The following FOXP2 variants were observed in gnomAD, a reference collection of about 807,000 sequenced individuals.
The protein encoded by FOXP2 is forkhead box P2, also known as forkhead box protein P2.
Under a neutral mutation model 115.8 loss-of-function variants are expected in FOXP2, and 12 were observed. The ratio of observed to expected loss-of-function variants is 0.10; its 90% CI spans 0.07 to 0.17. The LOEUF (loss-of-function observed/expected upper bound fraction) is 0.17. Among genes scored for constraint, FOXP2 ranks in the 10% least tolerant of loss-of-function variants. FOXP2 has a pLI of 1.00. For synonymous variants in FOXP2, 328 were observed against 297.7 expected (o/e 1.10, Z -1.05); for missense variants, 629 against 843.5 (o/e 0.75, Z 3.15).
At chr7:114,614,329 A>T (rs960769619) in intron 3 of FOXP2, among the ~76,000 whole-genome samples, 11 of 152,258 alleles carry the variant, frequency 7.2e-5, no homozygotes, top group African/African-American at 2.6e-4. Context: ...TGTAAAAGAG[A>T]TATTTTCTAC....
intron 1 of FOXP2, among the ~76,000 whole-genome samples, chr7:114,224,695 C>CT (rs1048080464): frequency 4.6e-5 from 7 of 150,844 alleles, no homozygotes; most frequent in African/African-American, 7.3e-5. Context: ...TCATTCCTGC[C>CT]TTTTTTTTTA....
At chr7:114,127,490 G>A (rs2129144677) in intron 1 of FOXP2, among the ~76,000 whole-genome samples, 1 of 152,238 alleles carries the variant, frequency 6.6e-6, no homozygotes, top group East Asian at 1.9e-4. Flanking sequence ...AAAAGACTTA[G>A]AATTCAGAAA....
At chr7:114,438,911 G>T in intron 2 of FOXP2, among the ~76,000 whole-genome samples, 1 of 152,080 alleles carries the variant, frequency 6.6e-6, no homozygotes, top group East Asian at 1.9e-4. Flanking sequence ...AATATAGCTT[G>T]ATTTTAAAAC....
At chr7:114,468,542 T>C (rs1247937629) in intron 2 of FOXP2, among the ~76,000 whole-genome samples, 1 of 152,112 alleles carries the variant, frequency 6.6e-6, no homozygotes, top group East Asian at 1.9e-4. Flanking sequence ...ATCCTGCTTG[T>C]AGTTCCCTAC....
rs919774129 is a variant in FOXP2 at position 114,494,424 on chromosome 7, A to G, written c.169-40193A>G. ...GCCTCCCAAATCCTAGGCTCAAGCA[A>G]TCTTCCTACTTCAGCTTCCCAAGTA... On this transcript the variant is annotated intron_variant, in intron 2 of 16. Transcript: ENST00000350908. Among the ~76,000 whole-genome samples the G allele has an allele frequency of 3.9e-5, 6 of 152,234 alleles. No homozygotes were observed. The East Asian group carries it at 7.7e-4, about 20-fold the overall frequency.
chr7:114,115,457 T>C (rs1791377485), intron 1 of FOXP2, among the ~76,000 whole-genome samples: 1 of 152,230 alleles, frequency 6.6e-6, no homozygotes, highest in African/African-American at 2.4e-5. Flanking sequence ...AGTACATGGC[T>C]TCTCCCCTGT....
intron 1 of FOXP2, among the ~76,000 whole-genome samples, chr7:114,261,434 T>C (rs550322623): frequency 1.3e-5 from 2 of 152,320 alleles, no homozygotes; most frequent in East Asian, 3.9e-4. Flanking sequence ...TGTTTCATTG[T>C]ATTTTGATTA....
intron 16 of FOXP2, among the ~76,000 whole-genome samples, chr7:114,670,239 G>T (rs954468513): frequency 6.6e-6 from 1 of 151,870 alleles, no homozygotes; most frequent in Non-Finnish European, 1.5e-5. Flanking sequence ...TATATAGAAC[G>T]TTAATATATT....
intron 1 of FOXP2, among the ~76,000 whole-genome samples, chr7:114,207,992 C>T (rs1221407997): frequency 2.0e-5 from 3 of 152,188 alleles, no homozygotes; most frequent in Admixed American, 1.3e-4. Flanking sequence ...TGAGAGTCCC[C>T]ACACAGAGTT....
chr7:114,484,903 A>G (rs564306594), intron 2 of FOXP2, among the ~76,000 whole-genome samples: 1 of 151,924 alleles, frequency 6.6e-6, no homozygotes, highest in African/African-American at 2.4e-5. Flanking sequence ...CAGTTTTTTT[A>G]AAATTGGTAT....
intron 2 of FOXP2, among the ~76,000 whole-genome samples, chr7:114,519,987 GT>G (rs1258267638): frequency 6.6e-6 from 1 of 152,070 alleles, no homozygotes; most frequent in African/African-American, 2.4e-5. Flanking sequence ...TAAAAAATAT[GT>G]ATGATAAAAC....
At chr7:114,582,617 T>C (rs932098957) in intron 3 of FOXP2, among the ~76,000 whole-genome samples, 2 of 152,208 alleles carry the variant, frequency 1.3e-5, no homozygotes, top group African/African-American at 4.8e-5. Context: ...TCAGAGTTGA[T>C]GGATTAGCAT....
chr7:114,664,246 T>G (rs1035599619), intron 15 of FOXP2, 27 bp from the exon 16 acceptor site: 1 of 1,611,250 alleles, frequency 6.2e-7, no homozygotes, highest in African/African-American at 1.3e-5. Flanking sequence ...TTTTGAAAGT[T>G]GTTTTACACA....
chr7:114,542,699 T>G (rs1169772075), intron 3 of FOXP2, among the ~76,000 whole-genome samples: 1 of 152,174 alleles, frequency 6.6e-6, no homozygotes, highest in Non-Finnish European at 1.5e-5. Flanking sequence ...TTGTGCTGAT[T>G]GTGATTATTT....
intron 2 of FOXP2, among the ~76,000 whole-genome samples, chr7:114,335,892 T>A (rs1318135461): frequency 6.6e-6 from 1 of 151,370 alleles, no homozygotes; most frequent in Non-Finnish European, 1.5e-5. Flanking sequence ...GAAAAAAAAA[T>A]GATCAAAATG....
At chr7:114,277,724 ATAC>A (rs1796223061) in intron 1 of FOXP2, among the ~76,000 whole-genome samples, 1 of 152,054 alleles carries the variant, frequency 6.6e-6, no homozygotes, top group African/African-American at 2.4e-5. Context: ...GCTTTATTTT[ATAC>A]TGTATGTTGC....
rs894731430 is a variant in FOXP2, at chr7:114,655,967, G to A, written c.1266+1958G>A. 2.6e-5 allele frequency among the ~76,000 whole-genome samples: 4 copies of A among 152,222 alleles called. No individual in the cohort carries two copies. The South Asian group carries it at 6.2e-4, about 24-fold the overall frequency. On this transcript the variant is annotated intron_variant, in intron 10 of 16. Transcript: ENST00000350908. ...AACCTTGACTATATTCAGATGAGTC[G>A]AGGTGGCTAAGTGCTCATCCTAGCT...
At chr7:114,119,671 A>G (rs1347918747) in intron 1 of FOXP2, among the ~76,000 whole-genome samples, 1 of 152,142 alleles carries the variant, frequency 6.6e-6, no homozygotes, top group East Asian at 1.9e-4. Context: ...TGATTGCACC[A>G]CTGCACTTTG....
At chr7:114,605,708 G>A (rs1803282546) in intron 3 of FOXP2, among the ~76,000 whole-genome samples, 1 of 152,292 alleles carries the variant, frequency 6.6e-6, no homozygotes, top group East Asian at 1.9e-4. Context: ...CTGGTGGAAA[G>A]CATGTGTTCT....
Sources: allele counts gnomAD v4.1 joint callset (sites outside exome capture counted in the v4.1 genomes callset), GRCh38; gene constraint gnomAD v4.1.1; transcripts MANE v1.5; gene names NCBI Gene and HGNC (gene_info 2026-07-23, HGNC 2026-07-21).